CNPY1: variants seen among roughly 807,000 people sequenced by gnomAD.
CNPY1 encodes protein canopy homolog 1.
Under a neutral mutation model 14.4 loss-of-function variants are expected in CNPY1, and 14 were observed. The ratio of observed to expected loss-of-function variants is 0.97; its 90% CI spans 0.64 to 1.52. The LOEUF (loss-of-function observed/expected upper bound fraction) is 1.52, where lower values mean the gene tolerates loss of function less well. Ranked by LOEUF, CNPY1 falls within the 40% of genes most tolerant of loss-of-function variation. The pLI, the probability that CNPY1 is intolerant of heterozygous loss-of-function variation, is 0.00. For missense variants in CNPY1, 129 were observed against 131.5 expected (o/e 0.98, Z 0.09); for synonymous variants, 43 against 46.5 (o/e 0.92, Z 0.31).
At chr7:155,509,591 C>A (rs1796461925) in intron 2 of CNPY1, among the ~76,000 whole-genome samples, 1 of 152,088 alleles carries the variant, frequency 6.6e-6, no homozygotes, top group African/African-American at 2.4e-5. Context: ...TCCCCTTAGT[C>A]GGGGAGAAGT....
chr7:155,520,367 T>G (rs910800842), intron 2 of CNPY1, among the ~76,000 whole-genome samples: 1 of 152,074 alleles, frequency 6.6e-6, no homozygotes, highest in Non-Finnish European at 1.5e-5. Context: ...AGGGCATTTC[T>G]TAGCGCCTGC....
At chr7:155,507,871 G>A (rs6459705) in intron 3 of CNPY1, among the ~76,000 whole-genome samples, 14,850 of 152,178 alleles carry the variant, frequency 0.098, 2,374 homozygotes, top group African/African-American at 0.34. Context: ...CCAGAGACTT[G>A]TAAATCATTT....
intron 2 of CNPY1, among the ~76,000 whole-genome samples, chr7:155,526,905 C>T (rs1437220785): frequency 6.6e-6 from 1 of 152,132 alleles, no homozygotes; most frequent in Admixed American, 6.5e-5. Context: ...AAGGATGCAG[C>T]ACCACGGAGG....
chr7:155,522,043 C>T (rs553320607), intron 2 of CNPY1, among the ~76,000 whole-genome samples: 7 of 152,268 alleles, frequency 4.6e-5, no homozygotes, highest in Non-Finnish European at 7.3e-5. Context: ...TTCCTCTAGA[C>T]GTGTTGAACA....
chr7:155,529,150 G>A (rs1005521061), intron 2 of CNPY1, among the ~76,000 whole-genome samples: 2 of 152,136 alleles, frequency 1.3e-5, no homozygotes, highest in African/African-American at 2.4e-5. Flanking sequence ...CCCAGGAGAG[G>A]GAACTGGACA....
intron 2 of CNPY1, among the ~76,000 whole-genome samples, chr7:155,516,898 C>T (rs1051491820): frequency 6.6e-6 from 1 of 152,188 alleles, no homozygotes; most frequent in African/African-American, 2.4e-5. Flanking sequence ...CTGTCGTGGG[C>T]GTTGCCTCTG....
In CNPY1 at chr7:155,501,198, A is replaced by G. The variant is rs894665255; in HGVS notation, c.*1870T>C. 1 of 152,174 alleles carries G rather than the reference A, an allele frequency of 6.6e-6. No individual in the cohort carries two copies. Among genetic ancestry groups the G allele is most frequent in the African/African-American group, 2.4e-5 (1 of 41,436 alleles). 9.4% of individuals were successfully genotyped at this position (152,174 alleles called of 1,614,324 possible). On this transcript the variant is annotated 3_prime_UTR_variant, in exon 5 of 5. Transcript: ENST00000636446. ...AACCTGAAATGCCATATTTATCACAACCTTAGATAGTCACTGTAAGTCAAG... is the reference window on the plus strand; with the variant it reads ...AACCTGAAATGCCATATTTATCACAGCCTTAGATAGTCACTGTAAGTCAAG...
chr7:155,506,038 T>C (rs1212817666), intron 4 of CNPY1, among the ~76,000 whole-genome samples: 3 of 152,238 alleles, frequency 2.0e-5, no homozygotes, highest in African/African-American at 7.2e-5. Context: ...TTTGTGTACT[T>C]CTTGTTTAAT....
At chr7:155,534,303 G>A (rs1796994322) in intron 2 of CNPY1, among the ~76,000 whole-genome samples, 1 of 152,078 alleles carries the variant, frequency 6.6e-6, no homozygotes, top group African/African-American at 2.4e-5. Context: ...ACTCACACGT[G>A]CATGCACACA....
At chr7:155,533,856 G>A (rs1442385110) in intron 2 of CNPY1, 1 of 152,194 alleles carries the variant, frequency 6.6e-6, no homozygotes, top group African/African-American at 2.4e-5. Context: ...CACCCACCAA[G>A]AGGATTAAAA....
intron 2 of CNPY1, among the ~76,000 whole-genome samples, chr7:155,542,516 A>G: frequency 6.6e-6 from 1 of 152,204 alleles, no homozygotes; most frequent in South Asian, 2.1e-4. Context: ...TCACGTGGAA[A>G]GAGCCACTGC....
At chr7:155,535,568 G>A (rs73165109) in intron 2 of CNPY1, among the ~76,000 whole-genome samples, 12,853 of 152,214 alleles carry the variant, frequency 0.084, 691 homozygotes, top group Non-Finnish European at 0.12. Flanking sequence ...AATGAACAGA[G>A]CACATATCAT....
At chr7:155,507,415 A>G (rs1341949540) in intron 3 of CNPY1, among the ~76,000 whole-genome samples, 1 of 148,058 alleles carries the variant, frequency 6.8e-6, no homozygotes, top group African/African-American at 2.5e-5. Flanking sequence ...ACTGGAAGTC[A>G]TAGGAAGAAA....
At chr7:155,515,562 T>C (rs993846098) in intron 2 of CNPY1, among the ~76,000 whole-genome samples, 4 of 151,962 alleles carry the variant, frequency 2.6e-5, no homozygotes, top group Non-Finnish European at 5.9e-5. Context: ...TGATGTCCAG[T>C]CACAAATCGA....
intron 2 of CNPY1, chr7:155,510,215 C>T (rs572003731): frequency 5.4e-4 from 82 of 152,372 alleles, no homozygotes; most frequent in African/African-American, 1.8e-3. Flanking sequence ...GCTCGGGGCG[C>T]ACAAAGGGTC....
rs749703000 is a variant in CNPY1, at chr7:155,509,087, G to C, written c.110C>G (p.Ala37Gly). 6.4e-7 allele frequency: 1 copy of C among 1,562,080 alleles called. No individual in the cohort carries two copies. Among genetic ancestry groups the C allele is most frequent in the Non-Finnish European group, 8.7e-7 (1 of 1,155,858 alleles). The change falls in exon 3 of 5, where the codon GCT becomes GGT. Residue 37 changes from alanine (A) to glycine (G), a missense_variant. Ala to Gly is a moderately conservative substitution (Grantham distance 60). Transcript: ENST00000636446. ...GTQERRKIPL[A>G]QSEAFLTDLL... ...ATCCGTTAGGAACGCCTCCGACTGA[G>C]CTAGGGGGATCTAAGAAGAAAGACA... is the stretch of plus-strand genomic sequence containing the variant.
rs575625735 is a variant in CNPY1 at position 155,504,007 on chromosome 7, T to C, written c.401-902A>G. Reference sequence around the variant, plus strand: ...TCATTTTGACTCCAAGACATCAAAATGACATTCTGGAGAAGTCTGAACTAT... The same window carrying C: ...TCATTTTGACTCCAAGACATCAAAACGACATTCTGGAGAAGTCTGAACTAT... On this transcript the variant is annotated intron_variant, in intron 4 of 4. Coordinates refer to ENST00000636446, the MANE Select transcript of CNPY1 (RefSeq NM_001393663.1). Among the ~76,000 whole-genome samples, 3 of 152,322 alleles carry C rather than the reference T, an allele frequency of 2.0e-5. No homozygotes were observed. The South Asian group carries it at 6.2e-4, about 32-fold the overall frequency.
chr7:155,508,566 G>A (rs1446324967), intron 3 of CNPY1, among the ~76,000 whole-genome samples: 1 of 152,172 alleles, frequency 6.6e-6, no homozygotes, highest in Non-Finnish European at 1.5e-5. Context: ...GTCCCCACAC[G>A]AGCAAAATGG....
intron 2 of CNPY1, among the ~76,000 whole-genome samples, chr7:155,537,472 G>A (rs1009967534): frequency 6.1e-5 from 9 of 147,200 alleles, no homozygotes; most frequent in African/African-American, 2.3e-4. Context: ...CGTCCAGGCT[G>A]GGGTGCAATG....
Sources: allele counts gnomAD v4.1 joint callset (sites outside exome capture counted in the v4.1 genomes callset), GRCh38; gene constraint gnomAD v4.1.1; transcripts MANE v1.5; gene names NCBI Gene and HGNC (gene_info 2026-07-23, HGNC 2026-07-21).